Variants in CNTNAP2 observed in about 807,000 individuals in gnomAD.
CNTNAP2 encodes the protein contactin-associated protein-like 2.
Under a neutral mutation model 155.2 loss-of-function variants are expected in CNTNAP2, and 98 were observed. The ratio of observed to expected loss-of-function variants is 0.63; its 90% CI spans 0.54 to 0.75. The LOEUF is 0.75. Among genes scored for constraint, CNTNAP2 ranks in the 30% least tolerant of loss-of-function variants. CNTNAP2 has a pLI of 0.00. For synonymous variants in CNTNAP2, 651 were observed against 631.2 expected, an observed-to-expected ratio of 1.03 and a Z score of -0.47; for missense variants, 1,727 against 1,688.1, an observed-to-expected ratio of 1.02 and a Z score of -0.40.
chr7:146,962,645 G>A (rs1299639627), intron 3 of CNTNAP2, among the ~76,000 whole-genome samples: 4 of 152,136 alleles, frequency 2.6e-5, no homozygotes, highest in Non-Finnish European at 4.4e-5. Context: ...CCACCTCCTG[G>A]GTTCAAGCGA....
intron 3 of CNTNAP2, among the ~76,000 whole-genome samples, chr7:146,867,370 C>T (rs367767549): frequency 6.6e-6 from 1 of 152,106 alleles, no homozygotes. Flanking sequence ...TCAATGGCTG[C>T]ATTATATTTC....
chr7:147,115,983 G>T (rs1049445393), intron 5 of CNTNAP2, among the ~76,000 whole-genome samples: 1 of 152,172 alleles, frequency 6.6e-6, no homozygotes, highest in Non-Finnish European at 1.5e-5. Flanking sequence ...CTGATTTGGA[G>T]ATGGAGTTTT....
At chr7:147,397,120 TAAG>T (rs1252811938) in intron 10 of CNTNAP2, among the ~76,000 whole-genome samples, 3 of 152,090 alleles carry the variant, frequency 2.0e-5, no homozygotes, top group East Asian at 1.9e-4. Flanking sequence ...CACATGTTTA[TAAG>T]AAGACTTTAT....
At chr7:147,457,723 C>T (rs867955018) in intron 10 of CNTNAP2, among the ~76,000 whole-genome samples, 1 of 151,950 alleles carries the variant, frequency 6.6e-6, no homozygotes, top group African/African-American at 2.4e-5. Flanking sequence ...AAAGTTCTTA[C>T]AATTATATTT....
rs146641564 is a variant in CNTNAP2, at chr7:146,185,978, T to C, written c.97+69005T>C. On this transcript the variant is annotated intron_variant, in intron 1 of 23. Transcript: ENST00000361727. The stretch of plus-strand genomic sequence containing the variant: ...ATCAGGCATTTTTATTTATGTAATG[T>C]ATCATACCGAGAGAGGTGTTAAAAT... 3.2e-3 allele frequency among the ~76,000 whole-genome samples: 488 copies of C among 152,238 alleles called. 4 individuals are homozygous for C. Among genetic ancestry groups the C allele is most frequent in the South Asian group, 8.1e-3 (39 of 4,828 alleles).
chr7:147,287,901 A>G (rs1805217531), intron 8 of CNTNAP2, among the ~76,000 whole-genome samples: 1 of 152,048 alleles, frequency 6.6e-6, no homozygotes, highest in Non-Finnish European at 1.5e-5. Context: ...CCTCCGTCCA[A>G]ACTTCCATCG....
chr7:147,587,347 T>A (rs1392136156), intron 12 of CNTNAP2, among the ~76,000 whole-genome samples: 2 of 152,214 alleles, frequency 1.3e-5, no homozygotes, highest in Non-Finnish European at 2.9e-5. Context: ...ACCTGTGTTT[T>A]TATAGCATAA....
intron 1 of CNTNAP2, among the ~76,000 whole-genome samples, chr7:146,379,855 A>AG (rs1370961621): frequency 1.3e-5 from 2 of 152,194 alleles, no homozygotes; most frequent in Non-Finnish European, 2.9e-5. Flanking sequence ...GCTTTGTAAA[A>AG]GAAAAAAAAA....
intron 17 of CNTNAP2, among the ~76,000 whole-genome samples, chr7:148,157,227 A>G (rs1427263215): frequency 6.6e-6 from 1 of 152,178 alleles, no homozygotes; most frequent in Non-Finnish European, 1.5e-5. Flanking sequence ...GAAAATTATT[A>G]TTATTCAGAA....
At chr7:146,291,479 G>A (rs1800427962) in intron 1 of CNTNAP2, among the ~76,000 whole-genome samples, 2 of 152,106 alleles carry the variant, frequency 1.3e-5, no homozygotes, top group Non-Finnish European at 2.9e-5. Context: ...GTTACTTTGA[G>A]AGAGGTGAGT....
intron 9 of CNTNAP2, among the ~76,000 whole-genome samples, chr7:147,350,019 A>T (rs1795942336): frequency 6.6e-6 from 1 of 151,922 alleles, no homozygotes; most frequent in South Asian, 2.1e-4. Context: ...AATAATGAAC[A>T]AATTTATAAA....
At chr7:146,802,506 A>G (rs1449963560) in intron 2 of CNTNAP2, among the ~76,000 whole-genome samples, 2 of 152,128 alleles carry the variant, frequency 1.3e-5, no homozygotes, top group Non-Finnish European at 2.9e-5. Context: ...GGAGATGATC[A>G]TGGGGGGCAA....
chr7:146,691,426 A>G (rs1434123782), intron 1 of CNTNAP2, among the ~76,000 whole-genome samples: 2 of 152,142 alleles, frequency 1.3e-5, no homozygotes, highest in Admixed American at 1.3e-4. Context: ...ACATTAGTCT[A>G]CAGTTGAGCA....
At position 146,847,697 on chromosome 7, in the gene CNTNAP2, A is replaced by G. The variant is rs567392985; in HGVS notation, c.402+7793A>G. The stretch of plus-strand genomic sequence containing the variant: ...TATTGGTGTGTGTACTGTATTACAT[A>G]CATCTGTGTTTCCCAGCCTGGAATG... On this transcript the variant is annotated intron_variant, in intron 3 of 23. Transcript: ENST00000361727. Among the ~76,000 whole-genome samples the G allele has an allele frequency of 2.0e-5, 3 of 152,318 alleles. No individual in the cohort carries two copies. The South Asian group carries it at 6.2e-4, about 32-fold the overall frequency.
intron 15 of CNTNAP2, among the ~76,000 whole-genome samples, chr7:147,997,810 G>C (rs1801832178): frequency 6.6e-6 from 1 of 152,112 alleles, no homozygotes; most frequent in African/African-American, 2.4e-5. Flanking sequence ...GCATGTTCTG[G>C]GTGGTTCTCT....
At chr7:148,064,156 C>T (rs187344220) in intron 15 of CNTNAP2, among the ~76,000 whole-genome samples, 56 of 152,024 alleles carry the variant, frequency 3.7e-4, no homozygotes, top group Admixed American at 2.2e-3. Context: ...CTTGAAGTCA[C>T]GTAATGTAAT....
intron 14 of CNTNAP2, among the ~76,000 whole-genome samples, chr7:147,912,044 T>C (rs914355367): frequency 6.6e-6 from 1 of 152,244 alleles, no homozygotes; most frequent in Non-Finnish European, 1.5e-5. Flanking sequence ...AATTATTTTC[T>C]GAATGTGACC....
At chr7:146,408,737 C>T (rs902963752) in intron 1 of CNTNAP2, among the ~76,000 whole-genome samples, 2 of 151,680 alleles carry the variant, frequency 1.3e-5, no homozygotes, top group Admixed American at 6.6e-5. Context: ...CAAACCTGCA[C>T]GTTGTGCACA....
chr7:146,665,785 A>AAAAAAAAAAAAAC lies in CNTNAP2; in HGVS notation c.98-108474_98-108473insCAAAAAAAAAAAA, dbSNP rs1271298140. ...TATGGAGTGAGACTCTGTCTCATTA[A>AAAAAAAAAAAAAC]AAAAAAAAAAAAATACATTTTGTAA... On this transcript the variant is annotated intron_variant, in intron 1 of 23. Coordinates refer to ENST00000361727, the MANE Select transcript of CNTNAP2 (RefSeq NM_014141.6). Among the ~76,000 whole-genome samples the AAAAAAAAAAAAAC allele has an allele frequency of 1.5e-4, 21 of 144,776 alleles. 4 individuals are homozygous for AAAAAAAAAAAAAC. Among genetic ancestry groups the AAAAAAAAAAAAAC allele is most frequent in the South Asian group, 4.4e-4 (2 of 4,562 alleles). The allele number at this position is 144,776 out of a possible 152,430, so 95.0% of individuals were successfully genotyped here.
Sources: allele counts gnomAD v4.1 joint callset (sites outside exome capture counted in the v4.1 genomes callset), GRCh38; gene constraint gnomAD v4.1.1; transcripts MANE v1.5; gene names NCBI Gene and HGNC (gene_info 2026-07-23, HGNC 2026-07-21).